C12orf42: variants seen among roughly 807,000 people sequenced by gnomAD.
The protein encoded by C12orf42 is uncharacterized protein C12orf42.
Under a neutral mutation model 21.6 loss-of-function variants are expected in C12orf42, and 25 were observed. The observed-to-expected ratio is 1.16, with a 90% CI of 0.84 to 1.62. The LOEUF (loss-of-function observed/expected upper bound fraction) is 1.62. Ranked by LOEUF, C12orf42 falls within the 40% of genes most tolerant of loss-of-function variation. C12orf42 has a pLI of 0.00. For missense variants in C12orf42, 483 were observed against 459.3 expected, an observed-to-expected ratio of 1.05 and a Z score of -0.47; for synonymous variants, 174 against 175.0, an observed-to-expected ratio of 0.99 and a Z score of 0.05.
intron 4 of C12orf42, among the ~76,000 whole-genome samples, chr12:103,353,202 C>G (rs992677412): frequency 6.6e-6 from 1 of 151,714 alleles, no homozygotes; most frequent in Non-Finnish European, 1.5e-5. Context: ...GAGAGCCTAC[C>G]TTCCACAGGG....
At chr12:103,501,644 C>T in the C12orf42 span, among the ~76,000 whole-genome samples, 2 of 152,174 alleles carry the variant, frequency 1.3e-5, no homozygotes, top group Non-Finnish European at 2.9e-5. Context: ...GTACATTGCG[C>T]AACTCTAGTG....
At chr12:103,494,103 T>A (rs1459770531) in intron 1 of C12orf42, among the ~76,000 whole-genome samples, 1 of 152,242 alleles carries the variant, frequency 6.6e-6, no homozygotes, top group Non-Finnish European at 1.5e-5. Flanking sequence ...AGACAAGTTT[T>A]AAAATAAAAC....
chr12:103,356,732 T>G (rs1210417710), intron 4 of C12orf42, among the ~76,000 whole-genome samples: 1 of 151,982 alleles, frequency 6.6e-6, no homozygotes, highest in Non-Finnish European at 1.5e-5. Flanking sequence ...TGGTGTGAGA[T>G]GGTATCTCAT....
intron 1 of C12orf42, among the ~76,000 whole-genome samples, chr12:103,485,726 A>C (rs1425358008): frequency 1.3e-5 from 2 of 152,028 alleles, no homozygotes; most frequent in Non-Finnish European, 2.9e-5. Flanking sequence ...TTTATTCTCT[A>C]TGTAGCAATT....
the C12orf42 span, among the ~76,000 whole-genome samples, chr12:103,541,166 A>G: frequency 1.3e-5 from 2 of 152,162 alleles, no homozygotes; most frequent in African/African-American, 4.8e-5. Context: ...GGCCTCCCAA[A>G]GTGCTAGGAT....
chr12:103,169,904 T>C, the C12orf42 span, among the ~76,000 whole-genome samples: 1 of 152,154 alleles, frequency 6.6e-6, no homozygotes, highest in African/African-American at 2.4e-5. Context: ...AAGGAAAATA[T>C]AAATAAGCTC....
intron 1 of C12orf42, 135 bp from the exon 2 acceptor site, chr12:103,478,582 AATTT>A: frequency 2.5e-6 from 1 of 403,878 alleles, no homozygotes; most frequent in Admixed American, 4.7e-5. Context: ...GACTTTCAAT[AATTT>A]TTTTTTTTTT....
chr12:103,097,509 T>C, the C12orf42 span, among the ~76,000 whole-genome samples: 8 of 152,352 alleles, frequency 5.3e-5, 1 homozygote, highest in South Asian at 1.7e-3. Flanking sequence ...TGACTTTAAG[T>C]ATTTAGAGTT....
the C12orf42 span, among the ~76,000 whole-genome samples, chr12:103,519,461 G>T: frequency 6.6e-6 from 1 of 151,988 alleles, no homozygotes; most frequent in South Asian, 2.1e-4. Flanking sequence ...ATGGAATCTT[G>T]GTTCAGCACC....
At chr12:103,364,782 G>C (rs576528641) in intron 4 of C12orf42, among the ~76,000 whole-genome samples, 17 of 151,914 alleles carry the variant, frequency 1.1e-4, no homozygotes, top group Non-Finnish European at 2.2e-4. Flanking sequence ...GCTTAAATCA[G>C]GAAGAATTAG....
intron 2 of C12orf42, among the ~76,000 whole-genome samples, chr12:103,454,160 A>G (rs1011897975): frequency 9.9e-5 from 15 of 151,992 alleles, no homozygotes; most frequent in African/African-American, 2.7e-4. Context: ...ATTTTTGAAG[A>G]TGGTTACATA....
chr12:103,274,007 T>G (rs1296344926), intron 5 of C12orf42: 3 of 444,554 alleles, frequency 6.7e-6, no homozygotes, highest in Non-Finnish European at 1.4e-5. Flanking sequence ...TGCCCTGTCC[T>G]GCTTTTTTAG....
intron 2 of C12orf42, 21 bp downstream of exon 2, chr12:103,478,328 A>G (rs377547321): frequency 1.1e-5 from 16 of 1,520,512 alleles, no homozygotes; most frequent in Admixed American, 5.7e-5. Context: ...GTAAGAAAAT[A>G]TAGTATCTCT....
the C12orf42 span, among the ~76,000 whole-genome samples, chr12:103,222,694 C>G: frequency 6.6e-6 from 1 of 152,076 alleles, no homozygotes; most frequent in Non-Finnish European, 1.5e-5. Flanking sequence ...ACTTTCTATA[C>G]AAATGTAAAT....
chr12:103,219,685 GA>G, the C12orf42 span, among the ~76,000 whole-genome samples: 1 of 152,214 alleles, frequency 6.6e-6, no homozygotes, highest in East Asian at 1.9e-4. Context: ...GGCCATCAGA[GA>G]AATGCAAATC....
At chr12:103,245,170 C>A (rs1008171818) in intron 10 of C12orf42, among the ~76,000 whole-genome samples, 2 of 152,020 alleles carry the variant, frequency 1.3e-5, no homozygotes, top group Admixed American at 1.3e-4. Flanking sequence ...GTAACTAATA[C>A]TATTATGTTG....
intron 4 of C12orf42, among the ~76,000 whole-genome samples, chr12:103,280,066 C>T (rs191912965): frequency 6.6e-6 from 1 of 152,272 alleles, no homozygotes; most frequent in Admixed American, 6.5e-5. Context: ...TAATAATTAA[C>T]ATTGAATATG....
intron 4 of C12orf42, among the ~76,000 whole-genome samples, chr12:103,312,256 A>C (rs950462541): frequency 2.6e-5 from 4 of 152,246 alleles, no homozygotes; most frequent in Admixed American, 2.6e-4. Flanking sequence ...TTGTTTTTCT[A>C]CTACACAATC....
intron 2 of C12orf42, among the ~76,000 whole-genome samples, chr12:103,476,398 G>A (rs980582137): frequency 6.6e-6 from 1 of 152,160 alleles, no homozygotes; most frequent in South Asian, 2.1e-4. Flanking sequence ...GACCCAAGAG[G>A]AAAAGAAACT....
Sources: allele counts gnomAD v4.1 joint callset (sites outside exome capture counted in the v4.1 genomes callset), GRCh38; gene constraint gnomAD v4.1.1; transcripts MANE v1.5; gene names NCBI Gene and HGNC (gene_info 2026-07-23, HGNC 2026-07-21).